The following CRY2 variants were observed in gnomAD, a reference collection of about 807,000 sequenced individuals.
The protein encoded by CRY2 is cryptochrome circadian regulator 2, also known as cryptochrome-2.
In CRY2, 31 loss-of-function variants were observed where a neutral mutation model predicts 69.5. That is an observed-to-expected ratio of 0.45 (90% CI 0.34 to 0.60). The LOEUF (loss-of-function observed/expected upper bound fraction) is 0.60. Ranked by LOEUF, CRY2 falls within the 20% of genes least tolerant of loss-of-function variation. CRY2 has a pLI of 0.02. For synonymous variants in CRY2, 303 were observed against 312.2 expected, an observed-to-expected ratio of 0.97 and a Z score of 0.31; for missense variants, 606 against 797.8, an observed-to-expected ratio of 0.76 and a Z score of 2.90.
chr11:45,847,724 G>T lies in CRY2; in HGVS notation c.215+19G>T. 1 of 1,539,620 alleles carries T rather than the reference G, an allele frequency of 6.5e-7. No homozygotes were observed. Among genetic ancestry groups the T allele is most frequent in the Non-Finnish European group, 8.8e-7 (1 of 1,140,876 alleles). On this transcript the variant is annotated intron_variant, in intron 1 of 11. Transcript: ENST00000616080. Reference sequence around the variant, plus strand: ...GATGGAGGTGAGGGGACCCGGGGCTGGGTGGCGGGGACGCAGCCAGGACCC... The same window carrying T: ...GATGGAGGTGAGGGGACCCGGGGCTTGGTGGCGGGGACGCAGCCAGGACCC...
intron 3 of CRY2, among the ~76,000 whole-genome samples, chr11:45,859,928 T>C (rs1407563848): frequency 6.6e-6 from 1 of 151,882 alleles, no homozygotes; most frequent in Non-Finnish European, 1.5e-5. Context: ...GTGGAGATCC[T>C]CCTCCTGCTG....
chr11:45,877,205 C>T (rs2086430580), intron 11 of CRY2, among the ~76,000 whole-genome samples: 1 of 152,214 alleles, frequency 6.6e-6, no homozygotes, highest in Non-Finnish European at 1.5e-5. Context: ...TCAGCTCTCT[C>T]CCCCATCCAG....
At chr11:45,863,672 AG>A (rs962668089) in intron 5 of CRY2, among the ~76,000 whole-genome samples, 103 of 151,270 alleles carry the variant, frequency 6.8e-4, no homozygotes, top group African/African-American at 2.5e-3. Context: ...AAAAGTCCCA[AG>A]GCATGTTTTC....
intron 5 of CRY2, among the ~76,000 whole-genome samples, chr11:45,862,860 C>A (rs1353410472): frequency 6.6e-6 from 1 of 152,196 alleles, no homozygotes; most frequent in Non-Finnish European, 1.5e-5. Flanking sequence ...TCACAAAGTC[C>A]TCACTCCCCT....
chr11:45,851,009 T>C (rs1470526211), intron 1 of CRY2, among the ~76,000 whole-genome samples: 1 of 149,538 alleles, frequency 6.7e-6, no homozygotes, highest in Non-Finnish European at 1.5e-5. Context: ...GGGCTAATTG[T>C]AGCTATATGA....
chr11:45,853,092 C>CT (rs1205825970), intron 1 of CRY2, among the ~76,000 whole-genome samples: 2 of 152,168 alleles, frequency 1.3e-5, no homozygotes, highest in African/African-American at 4.8e-5. Flanking sequence ...GACAGATTGC[C>CT]TAGGTTTGAA....
chr11:45,873,345 G>A (rs1265145466), intron 11 of CRY2, among the ~76,000 whole-genome samples: 1 of 152,186 alleles, frequency 6.6e-6, no homozygotes, highest in Non-Finnish European at 1.5e-5. Context: ...ACTGAGATGG[G>A]CATTTGATGC....
rs1280195727 is a variant in CRY2, at chr11:45,882,939, A to G, written c.*2028A>G. The G allele has an allele frequency of 1.3e-5, 5 of 383,280 alleles. No homozygotes were observed. The highest frequency in any genetic ancestry group is 2.3e-5 in the Non-Finnish European group (5 of 216,802). The allele number at this position is 383,280 out of a possible 1,614,324, so 23.7% of individuals were successfully genotyped here. On this transcript the variant is annotated 3_prime_UTR_variant, in exon 12 of 12. Coordinates refer to ENST00000616080, the MANE Select transcript of CRY2 (RefSeq NM_021117.5). ...ATCCCTAGCATGTCAGCCCGTTCCC[A>G]GATCAACCTGCCAGTGGAGTCAGGC...
At position 45,870,521 on chromosome 11, in the gene CRY2, A is replaced by G; in HGVS notation, c.1538A>G (p.Tyr513Cys). ...CAGATTTACCAGCAGCTTTCGCGCT[A>G]CCGGGGACTCTGTAAGGAGACAAAC... ...MKQIYQQLSR[Y>C]RGLCLLASVP... Residue 513 changes from tyrosine (Y) to cysteine (C), a missense_variant, in exon 9 of 12, where the codon TAC becomes TGC. Transcript: ENST00000616080. The G allele has an allele frequency of 6.2e-7, 1 of 1,614,094 alleles. No individual in the cohort carries two copies. Among genetic ancestry groups the G allele is most frequent in the Non-Finnish European group, 8.5e-7 (1 of 1,180,014 alleles).
chr11:45,883,021 C>T lies in CRY2; in HGVS notation c.*2110C>T, dbSNP rs2086488768. On this transcript the variant is annotated 3_prime_UTR_variant, in exon 12 of 12. Transcript: ENST00000616080. ...GGGTAGAGAGGGTATGTCCAGTAGC[C>T]TGGAGCTCCATGGTGGCTTCATGCC... 3.4e-6 allele frequency: 1 copy of T among 295,880 alleles called. No individual in the cohort carries two copies. The highest frequency in any genetic ancestry group is 6.2e-6 in the Non-Finnish European group (1 of 161,060). The allele number at this position is 295,880 out of a possible 1,614,324, so 18.3% of individuals were successfully genotyped here. A position where few individuals can be genotyped will look rare whatever the true frequency, so the allele number is the denominator to read the frequency against.
In CRY2 at chr11:45,850,848, AAT is replaced by A. The variant is rs1214916430; in HGVS notation, c.215+3144_215+3145del. Among the ~76,000 whole-genome samples the A allele has an allele frequency of 3.3e-5, 5 of 152,236 alleles. No individual in the cohort carries two copies. The South Asian group carries it at 1.0e-3, about 32-fold the overall frequency. Reference sequence around the variant, plus strand: ...GCTCCTTCTACACTGACTCCCACACAATGTTTTTCTGCAGAGGAAATCAGATT... The same window carrying A: ...GCTCCTTCTACACTGACTCCCACACAGTTTTTCTGCAGAGGAAATCAGATT... On this transcript the variant is annotated intron_variant, in intron 1 of 11. Transcript: ENST00000616080.
chr11:45,850,016 T>G lies in CRY2; in HGVS notation c.215+2311T>G, dbSNP rs866772927. On this transcript the variant is annotated intron_variant, in intron 1 of 11. Transcript: ENST00000616080. Reference sequence around the variant, plus strand: ...GTTTTGTTTTGTTTTTTGTTTTTTTTTTTTTTTGAGACGGGGTCCTGCTCA... The same window carrying G: ...GTTTTGTTTTGTTTTTTGTTTTTTTGTTTTTTTGAGACGGGGTCCTGCTCA... Among the ~76,000 whole-genome samples the G allele has an allele frequency of 2.6e-3, 391 of 151,892 alleles. 4 individuals carry two copies. Among genetic ancestry groups the G allele is most frequent in the African/African-American group, 9.0e-3 (372 of 41,370 alleles).
chr11:45,852,820 A>G (rs1481187618), intron 1 of CRY2, among the ~76,000 whole-genome samples: 2 of 152,228 alleles, frequency 1.3e-5, no homozygotes, highest in Non-Finnish European at 2.9e-5. Flanking sequence ...TCACCAGGGG[A>G]TCTTGCTAAA....
intron 8 of CRY2, 21 bp downstream of exon 8, chr11:45,870,225 C>T: frequency 6.2e-7 from 1 of 1,609,906 alleles, no homozygotes; most frequent in Non-Finnish European, 8.5e-7. Context: ...AGACCAGGCT[C>T]TCTGGCCTCT....
At chr11:45,860,234 C>T (rs1301534726) in intron 3 of CRY2, among the ~76,000 whole-genome samples, 2 of 152,080 alleles carry the variant, frequency 1.3e-5, no homozygotes, top group Non-Finnish European at 2.9e-5. Flanking sequence ...CTTTAAGTAT[C>T]AGTTGTGGCT....
In CRY2 at chr11:45,847,731, G is replaced by A. The variant is rs776893509; in HGVS notation, c.215+26G>A. 13 of 1,530,820 alleles carry A rather than the reference G, an allele frequency of 8.5e-6. No homozygotes were observed. The African/African-American group carries it at 1.4e-4, about 16-fold the overall frequency. 94.8% of individuals were successfully genotyped at this position (1,530,820 alleles called of 1,614,324 possible). A position where few individuals can be genotyped will look rare whatever the true frequency, so the allele number is the denominator to read the frequency against. ...GTGAGGGGACCCGGGGCTGGGTGGC[G>A]GGGACGCAGCCAGGACCCTGACCCT... On this transcript the variant is annotated intron_variant, in intron 1 of 11. Transcript: ENST00000616080.
chr11:45,857,581 C>T (rs999816620), intron 2 of CRY2, among the ~76,000 whole-genome samples: 19 of 152,140 alleles, frequency 1.2e-4, no homozygotes, highest in African/African-American at 4.6e-4. Context: ...AGTGAGACAA[C>T]ATGGTTTCTG....
At chr11:45,853,270 TA>T (rs1467237371) in intron 1 of CRY2, among the ~76,000 whole-genome samples, 3 of 152,228 alleles carry the variant, frequency 2.0e-5, no homozygotes, top group Non-Finnish European at 4.4e-5. Flanking sequence ...CCTGTCATTG[TA>T]AATGCTTATT....
chr11:45,867,020 G>GT (rs1472952759), intron 5 of CRY2, among the ~76,000 whole-genome samples: 2 of 152,180 alleles, frequency 1.3e-5, no homozygotes, highest in African/African-American at 4.8e-5. Flanking sequence ...AGTCAGGAAA[G>GT]TAAAGTCCTA....
Sources: gnomAD v4.1 joint callset for allele counts (sites outside exome capture counted in the v4.1 genomes callset) on GRCh38, gnomAD v4.1.1 for gene constraint, MANE v1.5 for transcripts, NCBI Gene and HGNC (gene_info 2026-07-23, HGNC 2026-07-21) for gene names.